Variants in DGKB observed in about 807,000 individuals in gnomAD.
The protein encoded by DGKB is 90 kDa diacylglycerol kinase.
Under a neutral mutation model 114.3 loss-of-function variants are expected in DGKB, and 67 were observed. That is an observed-to-expected ratio of 0.59 (90% confidence interval 0.48 to 0.72). The LOEUF is 0.72. Among genes scored for constraint, DGKB ranks in the 30% least tolerant of loss-of-function variants. The probability of loss-of-function intolerance (pLI) is 0.00; values close to 1 mark genes in which losing one functional copy is unlikely to be tolerated. For synonymous variants in DGKB, 398 were observed against 323.1 expected (o/e 1.23, Z -2.49); for missense variants, 907 against 975.2 (o/e 0.93, Z 0.93).
At chr7:14,346,166 CAAATT>C (rs1293354998) in intron 21 of DGKB, among the ~76,000 whole-genome samples, 1 of 151,660 alleles carries the variant, frequency 6.6e-6, no homozygotes, top group Non-Finnish European at 1.5e-5. Context: ...TCTCTCATAT[CAAATT>C]AAAGTATTCT....
At chr7:14,520,985 T>A (rs575818828) in intron 20 of DGKB, among the ~76,000 whole-genome samples, 108 of 152,230 alleles carry the variant, frequency 7.1e-4, no homozygotes, top group African/African-American at 2.6e-3. Flanking sequence ...TATTCCTATA[T>A]GAGAGGGGTT....
intron 21 of DGKB, among the ~76,000 whole-genome samples, chr7:14,346,888 T>C (rs905591540): frequency 1.3e-5 from 2 of 152,020 alleles, no homozygotes; most frequent in Non-Finnish European, 2.9e-5. Context: ...ACATTCTTAA[T>C]GAATATTTTA....
chr7:14,588,199 T>C (rs974961488), intron 17 of DGKB, among the ~76,000 whole-genome samples: 1 of 152,154 alleles, frequency 6.6e-6, no homozygotes, highest in Non-Finnish European at 1.5e-5. Flanking sequence ...GTTTCCATTA[T>C]CTATTCCTTT....
At chr7:14,652,170 A>C (rs1325038121) in intron 13 of DGKB, among the ~76,000 whole-genome samples, 3 of 144,994 alleles carry the variant, frequency 2.1e-5, no homozygotes, top group African/African-American at 7.6e-5. Context: ...ATATGGAACC[A>C]AAAAAGAGCC....
intron 4 of DGKB, among the ~76,000 whole-genome samples, chr7:14,747,805 G>A (rs576525824): frequency 9.7e-6 from 1 of 103,214 alleles, no homozygotes; most frequent in South Asian, 3.0e-4. Flanking sequence ...ACACACAAAT[G>A]TTCAAAATTT....
intron 1 of DGKB, among the ~76,000 whole-genome samples, chr7:14,852,050 T>C (rs1014974377): frequency 4.8e-4 from 73 of 152,300 alleles, no homozygotes; most frequent in African/African-American, 1.7e-3. Flanking sequence ...GTAAAACGAT[T>C]ATTTTACAGC....
intron 20 of DGKB, among the ~76,000 whole-genome samples, chr7:14,509,658 A>G (rs1787673965): frequency 6.6e-6 from 1 of 152,218 alleles, no homozygotes; most frequent in Non-Finnish European, 1.5e-5. Flanking sequence ...CAAAGGGCTT[A>G]TAAACCAATA....
intron 13 of DGKB, among the ~76,000 whole-genome samples, chr7:14,642,156 T>A (rs1811924756): frequency 6.6e-6 from 1 of 152,190 alleles, no homozygotes; most frequent in Non-Finnish European, 1.5e-5. Flanking sequence ...ACAGATATAG[T>A]TAGTTTCTGC....
In DGKB at chr7:14,838,921, A is replaced by T. The variant is rs1462341492; in HGVS notation, c.70+2273T>A. Among the ~76,000 whole-genome samples, 17 of 152,194 alleles carry T rather than the reference A, an allele frequency of 1.1e-4. No homozygotes were observed. The East Asian group carries it at 1.9e-3, about 17-fold the overall frequency. ...CACCTCCCTTCCTCAAATTTATGCC[A>T]AATTTTCCTTTTTATCCATATCATT... On this transcript the variant is annotated intron_variant, in intron 2 of 25. Coordinates refer to ENST00000402815, the MANE Select transcript of DGKB (RefSeq NM_001350709.2).
chr7:14,640,283 A>G (rs528948169), intron 13 of DGKB, among the ~76,000 whole-genome samples: 1 of 152,358 alleles, frequency 6.6e-6, no homozygotes, highest in South Asian at 2.1e-4. Context: ...GAATTCCAGG[A>G]GAATTAAGGC....
intron 14 of DGKB, among the ~76,000 whole-genome samples, chr7:14,621,824 C>T (rs1807712824): frequency 6.6e-6 from 1 of 152,000 alleles, no homozygotes; most frequent in African/African-American, 2.4e-5. Context: ...ATAAAGGGTA[C>T]AGGATTATAA....
intron 1 of DGKB, among the ~76,000 whole-genome samples, chr7:14,846,881 G>C (rs1041486944): frequency 2.6e-5 from 4 of 152,228 alleles, no homozygotes; most frequent in African/African-American, 4.8e-5. Context: ...ATCTAGATGA[G>C]TCAATCTATT....
chr7:14,892,864 ATGTGTG>A (rs10646592), intron 1 of DGKB, among the ~76,000 whole-genome samples: 3 of 147,046 alleles, frequency 2.0e-5, no homozygotes, highest in African/African-American at 5.0e-5. Flanking sequence ...ATATATATAT[ATGTGTG>A]TGTGTGTGTG....
chr7:14,961,806 C>T (rs566973257), intron 1 of DGKB, among the ~76,000 whole-genome samples: 17 of 152,200 alleles, frequency 1.1e-4, no homozygotes, highest in African/African-American at 3.4e-4. Flanking sequence ...ACCCCACCCA[C>T]AGCCCTTTTT....
intron 1 of DGKB, among the ~76,000 whole-genome samples, chr7:14,944,036 T>C (rs935940604): frequency 1.3e-5 from 2 of 151,928 alleles, no homozygotes; most frequent in Non-Finnish European, 2.9e-5. Flanking sequence ...AGCTGATAAA[T>C]GAATTAAAGC....
chr7:14,790,800 T>G (rs529549210), intron 2 of DGKB, among the ~76,000 whole-genome samples: 2 of 152,284 alleles, frequency 1.3e-5, no homozygotes, highest in African/African-American at 4.8e-5. Context: ...TCTTTTGCCT[T>G]TTTAGCATAC....
At chr7:14,847,406 T>C (rs1419633344) in intron 1 of DGKB, among the ~76,000 whole-genome samples, 3 of 151,864 alleles carry the variant, frequency 2.0e-5, no homozygotes, top group Non-Finnish European at 4.4e-5. Flanking sequence ...TGGGAAAGGA[T>C]GCAGAGCCAA....
chr7:14,645,530 AG>A (rs1563774439), intron 13 of DGKB, among the ~76,000 whole-genome samples: 1 of 152,054 alleles, frequency 6.6e-6, no homozygotes, highest in Non-Finnish European at 1.5e-5. Flanking sequence ...GAAGCGAAAA[AG>A]CCACAACACT....
At chr7:14,689,182 T>C (rs868836038) in intron 9 of DGKB, among the ~76,000 whole-genome samples, 100 of 147,274 alleles carry the variant, frequency 6.8e-4, no homozygotes, top group Middle Eastern at 3.5e-3. Flanking sequence ...TATGACAATG[T>C]GACAGAAACT....
Sources: gnomAD v4.1 joint callset for allele counts (sites outside exome capture counted in the v4.1 genomes callset) on GRCh38, gnomAD v4.1.1 for gene constraint, MANE v1.5 for transcripts, NCBI Gene and HGNC (gene_info 2026-07-23, HGNC 2026-07-21) for gene names.